The following LDLRAD3 variants were observed in gnomAD, a reference collection of about 807,000 sequenced individuals.
LDLRAD3 encodes the protein low-density lipoprotein receptor class A domain-containing protein 3.
Under a neutral mutation model 29.4 loss-of-function variants are expected in LDLRAD3, and 20 were observed. The ratio of observed to expected loss-of-function variants is 0.68; its 90% confidence interval spans 0.48 to 0.99. The LOEUF (loss-of-function observed/expected upper bound fraction) is 0.99. LDLRAD3 is among the 50% of genes least tolerant of loss of function. The pLI, the probability that LDLRAD3 is intolerant of heterozygous loss-of-function variation, is 0.00. For synonymous variants in LDLRAD3, 157 were observed against 192.7 expected (o/e 0.81, Z 1.53); for missense variants, 420 against 454.3 (o/e 0.92, Z 0.69).
At chr11:36,206,438 T>G (rs1449572055) in intron 4 of LDLRAD3, among the ~76,000 whole-genome samples, 2 of 152,142 alleles carry the variant, frequency 1.3e-5, no homozygotes, top group Non-Finnish European at 2.9e-5. Flanking sequence ...CTCTACAACG[T>G]GGGAGAGAGT....
chr11:35,978,143 G>T (rs1590700705), intron 1 of LDLRAD3, among the ~76,000 whole-genome samples: 1 of 152,140 alleles, frequency 6.6e-6, no homozygotes, highest in African/African-American at 2.4e-5. Context: ...ACAATGGCTT[G>T]TGATTCTCCC....
chr11:36,218,456 T>C (rs1020217840), intron 4 of LDLRAD3, among the ~76,000 whole-genome samples: 8 of 152,168 alleles, frequency 5.3e-5, no homozygotes. Flanking sequence ...TGTGGGAGTA[T>C]TGCAAAAAGA....
chr11:35,962,350 G>C (rs1184545776), intron 1 of LDLRAD3, among the ~76,000 whole-genome samples: 2 of 151,996 alleles, frequency 1.3e-5, no homozygotes, highest in Admixed American at 1.3e-4. Flanking sequence ...GTATATTTTA[G>C]TTTTGCTGCT....
rs112986594 is a variant in LDLRAD3, at chr11:36,108,729, C to G, written c.454+10268C>G. ...GAAACAGCGTGATGCATTTGAGGAA[C>G]TGGCAGATCCACGTGGCTGCCCTGG... On this transcript the variant is annotated intron_variant, in intron 4 of 5. Transcript: ENST00000315571. Among the ~76,000 whole-genome samples the G allele has an allele frequency of 1.1e-4, 17 of 152,254 alleles. 1 individual carries two copies. Among genetic ancestry groups the G allele is most frequent in the African/African-American group, 4.1e-4 (17 of 41,542 alleles).
intron 3 of LDLRAD3, among the ~76,000 whole-genome samples, chr11:36,088,158 C>A (rs529174437): frequency 3.3e-5 from 5 of 152,162 alleles, no homozygotes; most frequent in Non-Finnish European, 5.9e-5. Flanking sequence ...CCCAGCCCCC[C>A]AAAACCAGTA....
At chr11:36,221,849 A>G (rs1420559050) in intron 4 of LDLRAD3, among the ~76,000 whole-genome samples, 3 of 152,148 alleles carry the variant, frequency 2.0e-5, no homozygotes, top group African/African-American at 4.8e-5. Context: ...CTTTCCAGAT[A>G]TATTCTATAC....
chr11:36,105,238 TGAGAGAGAGA>T (rs35668663), intron 4 of LDLRAD3, among the ~76,000 whole-genome samples: 1 of 128,346 alleles, frequency 7.8e-6, no homozygotes, highest in Non-Finnish European at 1.6e-5. Context: ...TGTGTGTGTG[TGAGAGAGAGA>T]GAGAGAGAGA....
chr11:35,980,589 A>G (rs1409933968), intron 1 of LDLRAD3, among the ~76,000 whole-genome samples: 1 of 152,200 alleles, frequency 6.6e-6, no homozygotes, highest in Non-Finnish European at 1.5e-5. Flanking sequence ...GCCTTGTGAA[A>G]GTATTTTCTG....
chr11:36,061,344 T>C (rs1051756469), intron 2 of LDLRAD3, among the ~76,000 whole-genome samples: 2 of 152,204 alleles, frequency 1.3e-5, no homozygotes, highest in Admixed American at 6.5e-5. Flanking sequence ...TTTCACCATG[T>C]TGGTCAGGCT....
At chr11:35,968,284 G>GA (rs966677472) in intron 1 of LDLRAD3, 2 of 383,038 alleles carry the variant, frequency 5.2e-6, no homozygotes, top group Non-Finnish European at 1.0e-5. Context: ...TCCTTGGGAG[G>GA]AGTGGATGTG....
At chr11:36,042,642 C>G (rs946935223) in intron 2 of LDLRAD3, among the ~76,000 whole-genome samples, 1 of 152,122 alleles carries the variant, frequency 6.6e-6, no homozygotes, top group Non-Finnish European at 1.5e-5. Flanking sequence ...CAGAATGTGA[C>G]TTTATTTAAA....
At chr11:36,063,891 T>C (rs1852746070) in intron 2 of LDLRAD3, among the ~76,000 whole-genome samples, 1 of 152,232 alleles carries the variant, frequency 6.6e-6, no homozygotes, top group African/African-American at 2.4e-5. Context: ...TTTTGGCTAT[T>C]CAGAGTCCCT....
intron 1 of LDLRAD3, among the ~76,000 whole-genome samples, chr11:35,962,515 T>A (rs2133136850): frequency 6.6e-6 from 1 of 152,250 alleles, no homozygotes; most frequent in South Asian, 2.1e-4. Flanking sequence ...CCACACTGAC[T>A]TCAAAAGGGT....
chr11:36,180,767 T>G (rs1854749745), intron 4 of LDLRAD3, among the ~76,000 whole-genome samples: 7 of 148,212 alleles, frequency 4.7e-5, no homozygotes, highest in East Asian at 2.0e-4. Flanking sequence ...GGGTTGGGGG[T>G]GGGGTGCGGA....
intron 4 of LDLRAD3, among the ~76,000 whole-genome samples, chr11:36,131,779 T>C (rs1425756441): frequency 6.6e-6 from 1 of 152,254 alleles, no homozygotes; most frequent in Non-Finnish European, 1.5e-5. Context: ...GTTTCTAACA[T>C]TTGCATGGTT....
intron 1 of LDLRAD3, among the ~76,000 whole-genome samples, chr11:35,999,550 G>A (rs887129171): frequency 1.3e-5 from 2 of 152,110 alleles, no homozygotes; most frequent in Non-Finnish European, 2.9e-5. Context: ...AGGCGGCTGC[G>A]TTCTCATCCT....
intron 4 of LDLRAD3, among the ~76,000 whole-genome samples, chr11:36,173,599 G>A (rs1317373699): frequency 6.6e-6 from 1 of 151,922 alleles, no homozygotes; most frequent in Non-Finnish European, 1.5e-5. Flanking sequence ...ATGGACATTT[G>A]GGTTGGTTCC....
chr11:35,968,268 A>T (rs1851367005), intron 1 of LDLRAD3: 1 of 394,206 alleles, frequency 2.5e-6, no homozygotes, highest in South Asian at 2.1e-5. Context: ...CAGTGAGGTC[A>T]TCTCATCCTT....
intron 4 of LDLRAD3, among the ~76,000 whole-genome samples, chr11:36,212,107 C>T (rs1392632767): frequency 6.6e-6 from 1 of 152,182 alleles, no homozygotes; most frequent in Non-Finnish European, 1.5e-5. Context: ...ATTCCAGAGG[C>T]ATGGATAGTC....
Sources: gnomAD v4.1 joint callset for allele counts (sites outside exome capture counted in the v4.1 genomes callset) on GRCh38, gnomAD v4.1.1 for gene constraint, MANE v1.5 for transcripts, NCBI Gene and HGNC (gene_info 2026-07-23, HGNC 2026-07-21) for gene names.